The following RAD18 variants were observed in gnomAD, a reference collection of about 807,000 sequenced individuals.
The protein encoded by RAD18 is RAD18 E3 ubiquitin protein ligase.
A neutral mutation model predicts 60.4 loss-of-function variants in RAD18; 47 were observed. That is an observed-to-expected ratio of 0.78 (90% CI 0.62 to 0.99). The LOEUF (loss-of-function observed/expected upper bound fraction) is 0.99, where lower values mean the gene tolerates loss of function less well. Ranked by LOEUF, RAD18 falls within the 50% of genes least tolerant of loss-of-function variation. The probability of loss-of-function intolerance (pLI) is 0.00; values close to 1 mark genes in which losing one functional copy is unlikely to be tolerated. For synonymous variants in RAD18, 225 were observed against 195.5 expected, an observed-to-expected ratio of 1.15 and a Z score of -1.26; for missense variants, 640 against 593.3, an observed-to-expected ratio of 1.08 and a Z score of -0.82.
In RAD18 at chr3:8,902,419, C is replaced by A; in HGVS notation, c.1129G>T (p.Glu377Ter). 1 of 1,609,470 alleles carries A rather than the reference C, an allele frequency of 6.2e-7. No homozygotes were observed. Among genetic ancestry groups the A allele is most frequent in the Non-Finnish European group, 8.5e-7 (1 of 1,177,326 alleles). The change falls in exon 10 of 13, where the codon GAA becomes TAA. Residue 377 changes from glutamate (E) to a stop codon, truncating the protein, a stop_gained. Coordinates refer to ENST00000264926, the MANE Select transcript of RAD18 (RefSeq NM_020165.4). LOFTEE classifies it high-confidence loss of function. ...MSQKTVTITK[E>*]DESTEKLSSV... ...GATAGCTTTTCTGTAGATTCATCTT[C>A]TTTTGTTATTGTTACTGTTTTTTGT...
intron 7 of RAD18, among the ~76,000 whole-genome samples, chr3:8,919,619 T>C (rs1258160663): frequency 6.6e-6 from 1 of 152,232 alleles, no homozygotes; most frequent in Non-Finnish European, 1.5e-5. Flanking sequence ...CGTATGTATA[T>C]ATATGCACAT....
At chr3:8,956,540 C>T (rs1019930562) in intron 2 of RAD18, among the ~76,000 whole-genome samples, 1 of 151,958 alleles carries the variant, frequency 6.6e-6, no homozygotes, top group African/African-American at 2.4e-5. Context: ...TGCAGTTGAC[C>T]ACAGGTAACT....
intron 4 of RAD18, 160 bp downstream of exon 4, chr3:8,947,060 T>C: frequency 6.5e-6 from 4 of 613,792 alleles, no homozygotes; most frequent in Non-Finnish European, 1.1e-5. Context: ...AAAATCTTAC[T>C]CTAGTAAATT....
At chr3:8,900,598 G>A (rs749440950) in intron 10 of RAD18, among the ~76,000 whole-genome samples, 8 of 152,070 alleles carry the variant, frequency 5.3e-5, no homozygotes, top group Admixed American at 2.6e-4. Context: ...ATAGAGCCCC[G>A]AAGAGTGAGG....
Position 8,935,880 on chromosome 3 carries a change from G to T in RAD18, c.880C>A (p.Pro294Thr). Residue 294 changes from proline (P) to threonine (T), a missense_variant, in exon 7 of 13, where the codon CCT becomes ACT. Transcript: ENST00000264926. ...MYNAQCDALH[P>T]KSAAEIVREI... ...TGTTTTATTACTTTACCTGATTTAGGATGCAAAGCATCGCATTGGGCATTG... is the reference window on the plus strand; with the variant it reads ...TGTTTTATTACTTTACCTGATTTAGTATGCAAAGCATCGCATTGGGCATTG... 1 of 1,577,844 alleles carries T rather than the reference G, an allele frequency of 6.3e-7. No individual in the cohort carries two copies. The highest frequency in any genetic ancestry group is 1.2e-5 in the South Asian group (1 of 84,024).
At chr3:8,913,553 G>A (rs1270851830) in intron 8 of RAD18, 91 bp downstream of exon 8, 2 of 917,664 alleles carry the variant, frequency 2.2e-6, no homozygotes, top group Non-Finnish European at 3.1e-6. Flanking sequence ...GTTAGTAAAT[G>A]AATAAATTTA....
chr3:8,960,042 G>C (rs770681359), intron 1 of RAD18, among the ~76,000 whole-genome samples: 1 of 152,180 alleles, frequency 6.6e-6, no homozygotes, highest in Non-Finnish European at 1.5e-5. Context: ...GCCTAGCATG[G>C]TGGCTCTGTA....
chr3:8,938,004 G>A (rs899717983), intron 6 of RAD18, among the ~76,000 whole-genome samples: 1 of 152,144 alleles, frequency 6.6e-6, no homozygotes, highest in Non-Finnish European at 1.5e-5. Flanking sequence ...GGGAGTCCAT[G>A]CAAGATAATC....
chr3:8,877,679 T>G lies in RAD18; in HGVS notation c.*3678A>C, dbSNP rs1343477518. 6.6e-6 allele frequency: 1 copy of G among 152,228 alleles called. No individual in the cohort carries two copies. The highest frequency in any genetic ancestry group is 1.9e-4 in the East Asian group (1 of 5,198). 9.4% of individuals were successfully genotyped at this position (152,228 alleles called of 1,614,324 possible). A position where few individuals can be genotyped will look rare whatever the true frequency, so the allele number is the denominator to read the frequency against. On this transcript the variant is annotated 3_prime_UTR_variant, in exon 13 of 13. Coordinates refer to ENST00000264926, the MANE Select transcript of RAD18 (RefSeq NM_020165.4). ...TTGTACATTAATCTATATAATTACT[T>G]AATGCTCATCTTCCCTTCTGATCTA...
At chr3:8,946,697 T>C (rs916477144) in intron 4 of RAD18, among the ~76,000 whole-genome samples, 12 of 152,180 alleles carry the variant, frequency 7.9e-5, no homozygotes, top group African/African-American at 2.9e-4. Context: ...GCTGAATAAA[T>C]CCGATTAAGA....
intron 5 of RAD18, among the ~76,000 whole-genome samples, 181 bp from the exon 6 acceptor site, chr3:8,939,834 G>C (rs1345425536): frequency 6.6e-6 from 1 of 152,186 alleles, no homozygotes; most frequent in Non-Finnish European, 1.5e-5. Flanking sequence ...ACTGGTTACT[G>C]GGTAATGGCT....
intron 12 of RAD18, among the ~76,000 whole-genome samples, chr3:8,882,793 T>A (rs530054120): frequency 1.3e-5 from 2 of 152,302 alleles, no homozygotes; most frequent in Non-Finnish European, 2.9e-5. Flanking sequence ...GAAGGTCACA[T>A]TAGTCACTAG....
At chr3:8,952,085 G>A (rs116054833) in intron 2 of RAD18, among the ~76,000 whole-genome samples, 4,453 of 152,182 alleles carry the variant, frequency 0.029, 94 homozygotes, top group Middle Eastern at 0.061. Context: ...TTGGGGCTTC[G>A]ACATAGGACT....
rs747716597 is a variant in RAD18 at position 8,898,979 on chromosome 3, A to G, written c.1237T>C (p.Leu413=). ...SQSKLDSPEE[L]EPDREEDSSS... The stretch of plus-strand genomic sequence containing the variant: ...GAATCCTCTTCTCTGTCAGGTTCCA[A>G]TTCCTCTGGGGAGTCCAGCTTTGAT... The change falls in exon 11 of 13, where the codon TTG becomes CTG. Residue 413 remains leucine (L), a synonymous_variant. Coordinates refer to ENST00000264926, the MANE Select transcript of RAD18 (RefSeq NM_020165.4). 8 of 1,610,742 alleles carry G rather than the reference A, an allele frequency of 5.0e-6. No individual in the cohort carries two copies. The East Asian group carries it at 8.9e-5, about 18-fold the overall frequency.
At chr3:8,882,276 C>CA (rs1189041625) in intron 12 of RAD18, among the ~76,000 whole-genome samples, 2 of 152,230 alleles carry the variant, frequency 1.3e-5, no homozygotes, top group Non-Finnish European at 2.9e-5. Flanking sequence ...GAGGTGAAAT[C>CA]AGTCTGCCTC....
At chr3:8,891,790 A>G (rs1350678248) in intron 11 of RAD18, among the ~76,000 whole-genome samples, 1 of 152,232 alleles carries the variant, frequency 6.6e-6, no homozygotes, top group African/African-American at 2.4e-5. Flanking sequence ...ATTATCTGCT[A>G]TATCTGCTGT....
At chr3:8,963,204 G>T in intron 1 of RAD18, 131 bp downstream of exon 1, 1 of 1,043,050 alleles carries the variant, frequency 9.6e-7, no homozygotes, top group Admixed American at 2.8e-5. Context: ...TGGCAGGGCA[G>T]AGCCGGATAC....
chr3:8,888,379 T>C (rs552551279), intron 12 of RAD18, among the ~76,000 whole-genome samples: 1 of 152,346 alleles, frequency 6.6e-6, no homozygotes, highest in African/African-American at 2.4e-5. Flanking sequence ...CTGCTTTATA[T>C]GGAGCCATGT....
intron 6 of RAD18, 104 bp from the exon 7 acceptor site, chr3:8,936,159 T>C (rs1457550063): frequency 1.4e-5 from 16 of 1,106,334 alleles, no homozygotes; most frequent in Non-Finnish European, 2.0e-5. Context: ...ACCGGGAAAA[T>C]AGTAGAACCA....
Sources: allele counts gnomAD v4.1 joint callset (sites outside exome capture counted in the v4.1 genomes callset), GRCh38; gene constraint gnomAD v4.1.1; transcripts MANE v1.5; gene names NCBI Gene and HGNC (gene_info 2026-07-23, HGNC 2026-07-21).